PDE3A: variants seen among roughly 807,000 people sequenced by gnomAD.
PDE3A encodes cGMP-inhibited 3',5'-cyclic phosphodiesterase 3A.
In PDE3A, 43 loss-of-function variants were observed where a neutral mutation model predicts 98.3. That is an observed-to-expected ratio of 0.44 (90% confidence interval 0.34 to 0.56). The LOEUF (loss-of-function observed/expected upper bound fraction) is 0.56. Ranked by LOEUF, PDE3A falls within the 20% of genes least tolerant of loss-of-function variation. The pLI is 0.01. For synonymous variants in PDE3A, 663 were observed against 567.9 expected (o/e 1.17, Z -2.38); for missense variants, 1,427 against 1,440.7 (o/e 0.99, Z 0.15).
intron 1 of PDE3A, among the ~76,000 whole-genome samples, chr12:20,381,622 T>G (rs1054925560): frequency 6.6e-6 from 1 of 151,892 alleles, no homozygotes; most frequent in African/African-American, 2.4e-5. Flanking sequence ...TCACGAACTC[T>G]CCTGACATTC....
intron 2 of PDE3A, among the ~76,000 whole-genome samples, chr12:20,560,821 T>G (rs1725963240): frequency 2.6e-5 from 4 of 152,136 alleles, no homozygotes; most frequent in African/African-American, 9.7e-5. Context: ...GTGGTCCTTT[T>G]GGCACTTCTT....
rs145572539 is a variant in PDE3A at position 20,466,099 on chromosome 12, T to G, written c.961-90561T>G. Among the ~76,000 whole-genome samples the G allele has an allele frequency of 3.3e-5, 5 of 152,228 alleles. No homozygotes were observed. The East Asian group carries it at 9.7e-4, about 30-fold the overall frequency. On this transcript the variant is annotated intron_variant, in intron 1 of 15. Coordinates refer to ENST00000359062, the MANE Select transcript of PDE3A (RefSeq NM_000921.5). ...TCTTGAAAAGCATGTTCCCTAGAGATCTATCCAAATAGTCACTGGAGTCCT... is the reference window on the plus strand; with the variant it reads ...TCTTGAAAAGCATGTTCCCTAGAGAGCTATCCAAATAGTCACTGGAGTCCT...
intron 1 of PDE3A, among the ~76,000 whole-genome samples, chr12:20,377,889 T>G (rs57661841): frequency 0.049 from 7,426 of 151,854 alleles, 242 homozygotes; most frequent in African/African-American, 0.097. Context: ...ATGGATACAC[T>G]GTAAACACAA....
intron 1 of PDE3A, among the ~76,000 whole-genome samples, chr12:20,513,580 T>A (rs1032296732): frequency 1.3e-5 from 2 of 152,200 alleles, no homozygotes; most frequent in Non-Finnish European, 2.9e-5. Flanking sequence ...TTTTCCCAGT[T>A]GTATTAATTT....
chr12:20,596,632 T>C (rs1407209753), intron 2 of PDE3A, among the ~76,000 whole-genome samples: 1 of 152,158 alleles, frequency 6.6e-6, no homozygotes, highest in Non-Finnish European at 1.5e-5. Flanking sequence ...GGGCAAACCA[T>C]ATGAACGATC....
At position 20,418,317 on chromosome 12, in the gene PDE3A, G is replaced by C. The variant is rs143117174; in HGVS notation, c.960+48073G>C. 3.2e-4 allele frequency among the ~76,000 whole-genome samples: 49 copies of C among 152,200 alleles called. No homozygotes were observed. In the East Asian group the frequency reaches 9.3e-3, roughly 29 times the overall value. The stretch of plus-strand genomic sequence containing the variant: ...GAACACAAAGTCTGTCACATAATAG[G>C]TACTCAATAAAGGAAGGCTGTCCTT... On this transcript the variant is annotated intron_variant, in intron 1 of 15. Coordinates refer to ENST00000359062, the MANE Select transcript of PDE3A (RefSeq NM_000921.5).
chr12:20,445,499 T>G (rs937603192), intron 1 of PDE3A, among the ~76,000 whole-genome samples: 3 of 152,226 alleles, frequency 2.0e-5, no homozygotes, highest in African/African-American at 7.2e-5. Flanking sequence ...TTGCTAAATG[T>G]AAATACATAT....
intron 15 of PDE3A, among the ~76,000 whole-genome samples, chr12:20,668,356 G>C (rs1226872171): frequency 1.3e-5 from 2 of 152,162 alleles, no homozygotes; most frequent in Non-Finnish European, 1.5e-5. Context: ...CACAGCTCAA[G>C]GAGGCCTGCC....
At chr12:20,574,692 C>A (rs77862849) in intron 2 of PDE3A, among the ~76,000 whole-genome samples, 3,396 of 152,004 alleles carry the variant, frequency 0.022, 115 homozygotes, top group African/African-American at 0.077. Context: ...GAGCCCAGGC[C>A]TTCTTTTCTC....
intron 1 of PDE3A, among the ~76,000 whole-genome samples, chr12:20,416,800 A>G (rs1944428037): frequency 6.6e-6 from 1 of 152,126 alleles, no homozygotes; most frequent in African/African-American, 2.4e-5. Flanking sequence ...GGTACCTCAC[A>G]CATACATGGA....
rs866272189 is a variant in PDE3A at position 20,393,156 on chromosome 12, C to T, written c.960+22912C>T. 4.6e-5 allele frequency among the ~76,000 whole-genome samples: 7 copies of T among 152,020 alleles called. No individual in the cohort carries two copies. The East Asian group carries it at 5.8e-4, about 13-fold the overall frequency. On this transcript the variant is annotated intron_variant, in intron 1 of 15. Transcript: ENST00000359062. ...ATGTTCCTTTATTAGTCTGTTTTCA[C>T]GCTGCCTATAAAGACATACCTGAAA...
At chr12:20,649,701 G>A (rs1944870055) in intron 13 of PDE3A, among the ~76,000 whole-genome samples, 1 of 152,160 alleles carries the variant, frequency 6.6e-6, no homozygotes. Context: ...CGAGGTGGGT[G>A]GATCACTTGA....
Position 20,646,599 on chromosome 12 carries a change from T to G in PDE3A, c.2361T>G (p.Asp787Glu), listed in dbSNP as rs773790795. The G allele has an allele frequency of 3.8e-6, 6 of 1,561,882 alleles. No homozygotes were observed. In the South Asian group the frequency reaches 6.7e-5, roughly 17 times the overall value. ...TVINDHGSTS[D>E]SDSDSGFTHG... Reference sequence around the variant, plus strand: ...TTAATGATCATGGTTCAACCAGTGATTCAGGTATGTACGAAGTGAATCTGC... The same window carrying G: ...TTAATGATCATGGTTCAACCAGTGAGTCAGGTATGTACGAAGTGAATCTGC... The change falls in exon 11 of 16, where the codon GAT (aspartate) becomes GAG (glutamate). Residue 787 changes from aspartate (D) to glutamate (E), a missense_variant. Coordinates refer to ENST00000359062, the MANE Select transcript of PDE3A (RefSeq NM_000921.5).
At chr12:20,490,728 C>T (rs1390914320) in intron 1 of PDE3A, among the ~76,000 whole-genome samples, 1 of 152,188 alleles carries the variant, frequency 6.6e-6, no homozygotes, top group Non-Finnish European at 1.5e-5. Flanking sequence ...TAATATTAAA[C>T]ATTTCTTTCT....
intron 2 of PDE3A, among the ~76,000 whole-genome samples, chr12:20,578,043 G>A (rs1942975276): frequency 6.6e-6 from 1 of 152,096 alleles, no homozygotes; most frequent in South Asian, 2.1e-4. Flanking sequence ...GGGAGAAACT[G>A]GATAGGTTAG....
intron 1 of PDE3A, among the ~76,000 whole-genome samples, chr12:20,532,473 A>G (rs1330901790): frequency 6.6e-6 from 1 of 152,186 alleles, no homozygotes; most frequent in Non-Finnish European, 1.5e-5. Context: ...CATTTATGGT[A>G]TATGGAACTG....
chr12:20,553,000 A>G lies in PDE3A; in HGVS notation c.961-3660A>G. Reference sequence around the variant, plus strand: ...CAACCAGCTCTTCCCCGGCTACGGCAATGGCCGGTGATCTCCAAGCACTTC... The same window carrying G: ...CAACCAGCTCTTCCCCGGCTACGGCGATGGCCGGTGATCTCCAAGCACTTC... On this transcript the variant is annotated intron_variant, in intron 1 of 15. Transcript: ENST00000359062. This position sits in a 1 kb window ranked among gnomAD's most constrained non-coding sequence, Gnocchi z 5.1. The G allele has an allele frequency of 6.4e-7, 1 of 1,561,910 alleles. No individual in the cohort carries two copies. The highest frequency in any genetic ancestry group is 8.7e-7 in the Non-Finnish European group (1 of 1,147,970).
intron 1 of PDE3A, among the ~76,000 whole-genome samples, chr12:20,472,902 A>G (rs188279037): frequency 6.6e-6 from 1 of 152,296 alleles, no homozygotes; most frequent in Admixed American, 6.5e-5. Context: ...TTTTAAATAC[A>G]TTGAAATTTT....
chr12:20,675,474 C>T (rs909538823), intron 15 of PDE3A, among the ~76,000 whole-genome samples: 1 of 152,272 alleles, frequency 6.6e-6, no homozygotes. Flanking sequence ...AATTTTCTGT[C>T]TAGATGAGCT....
Sources: allele counts gnomAD v4.1 joint callset (sites outside exome capture counted in the v4.1 genomes callset), GRCh38; gene constraint gnomAD v4.1.1; non-coding constraint Gnocchi (gnomAD v3.1); transcripts MANE v1.5; gene names NCBI Gene and HGNC (gene_info 2026-07-23, HGNC 2026-07-21).